Variants in CNTN5 observed in about 807,000 individuals in gnomAD.
CNTN5 encodes contactin-5.
In CNTN5, 77 loss-of-function variants were observed where a neutral mutation model predicts 129.1. The observed-to-expected ratio is 0.60, with a 90% CI of 0.50 to 0.72. CNTN5 has a LOEUF of 0.72. Ranked by LOEUF, CNTN5 falls within the 30% of genes least tolerant of loss-of-function variation. The pLI is 0.00. For missense variants in CNTN5, 1,478 were observed against 1,328.8 expected (o/e 1.11, Z -1.75); for synonymous variants, 509 against 465.6 (o/e 1.09, Z -1.20).
At chr11:100,308,899 A>G (rs1951412211) in intron 21 of CNTN5, 1 of 983,484 alleles carries the variant, frequency 1.0e-6, no homozygotes, top group East Asian at 1.1e-4. Context: ...AATGATCTGT[A>G]TTGTATCTAT....
chr11:99,279,040 G>C (rs1285282532), intron 1 of CNTN5, among the ~76,000 whole-genome samples: 2 of 151,652 alleles, frequency 1.3e-5, no homozygotes, highest in East Asian at 3.9e-4. Flanking sequence ...GAATCCAGGG[G>C]ATTAAACACC....
chr11:100,297,800 C>T, intron 19 of CNTN5, 105 bp downstream of exon 19: 3 of 842,540 alleles, frequency 3.6e-6, no homozygotes, highest in Non-Finnish European at 3.8e-6. Context: ...CATTTAGAGG[C>T]TAAAAACAGT....
intron 9 of CNTN5, among the ~76,000 whole-genome samples, chr11:100,032,116 A>C (rs1279144576): frequency 6.6e-6 from 1 of 152,194 alleles, no homozygotes; most frequent in Non-Finnish European, 1.5e-5. Context: ...ACAATGTTTC[A>C]GGAACCCAGG....
chr11:99,444,290 T>C (rs1419844978), intron 2 of CNTN5, among the ~76,000 whole-genome samples: 2 of 152,102 alleles, frequency 1.3e-5, no homozygotes, highest in Non-Finnish European at 2.9e-5. Flanking sequence ...AAAGTCATAT[T>C]AAGTCAGAGG....
chr11:99,884,704 C>T (rs1211460381), intron 6 of CNTN5, among the ~76,000 whole-genome samples: 1 of 152,168 alleles, frequency 6.6e-6, no homozygotes, highest in African/African-American at 2.4e-5. Context: ...AGGCTGGGCA[C>T]GGTGGCTCAC....
chr11:99,496,337 G>A (rs569551784), intron 2 of CNTN5, among the ~76,000 whole-genome samples: 129 of 152,246 alleles, frequency 8.5e-4, no homozygotes, highest in African/African-American at 3.0e-3. Context: ...GCAGTGGCCA[G>A]ATCTCGGCTC....
intron 4 of CNTN5, among the ~76,000 whole-genome samples, chr11:99,844,390 G>T (rs1317486410): frequency 6.6e-6 from 1 of 151,988 alleles, no homozygotes; most frequent in Admixed American, 6.6e-5. Context: ...AATTAATGAA[G>T]AATATAAAAA....
At chr11:99,852,881 C>G (rs1475834802) in intron 6 of CNTN5, among the ~76,000 whole-genome samples, 2 of 152,086 alleles carry the variant, frequency 1.3e-5, no homozygotes, top group Non-Finnish European at 2.9e-5. Context: ...TTTGTGGAGA[C>G]CTTTCCCAAG....
intron 1 of CNTN5, among the ~76,000 whole-genome samples, chr11:99,032,089 C>T (rs1327925355): frequency 6.6e-6 from 1 of 152,060 alleles, no homozygotes; most frequent in Non-Finnish European, 1.5e-5. Flanking sequence ...CTAAAAAGGA[C>T]ATGAACTCAT....
At chr11:99,906,402 G>A (rs1055992095) in intron 6 of CNTN5, among the ~76,000 whole-genome samples, 4 of 152,146 alleles carry the variant, frequency 2.6e-5, no homozygotes, top group African/African-American at 9.7e-5. Context: ...AGGTAATCAT[G>A]TGGTTTTTGT....
At chr11:99,725,085 C>T (rs1943293461) in intron 3 of CNTN5, among the ~76,000 whole-genome samples, 2 of 152,144 alleles carry the variant, frequency 1.3e-5, no homozygotes, top group African/African-American at 4.8e-5. Context: ...GAAAATACAT[C>T]TGAATTTTCT....
intron 7 of CNTN5, among the ~76,000 whole-genome samples, chr11:99,941,366 G>C (rs1243618020): frequency 1.3e-5 from 2 of 151,630 alleles, no homozygotes; most frequent in Non-Finnish European, 2.9e-5. Flanking sequence ...TTATTTTATG[G>C]CACATGGTAG....
At chr11:99,842,926 G>A (rs778463456) in intron 4 of CNTN5, among the ~76,000 whole-genome samples, 7 of 151,948 alleles carry the variant, frequency 4.6e-5, no homozygotes, top group East Asian at 1.9e-4. Context: ...TATTTTGCTC[G>A]TAGCTCAAAA....
At chr11:99,375,920 T>C (rs763761496) in intron 2 of CNTN5, among the ~76,000 whole-genome samples, 15 of 152,150 alleles carry the variant, frequency 9.9e-5, no homozygotes, top group Admixed American at 5.9e-4. Context: ...ATTATAACCA[T>C]ATTTAATCTA....
At chr11:100,278,696 G>GT (rs1950569197) in intron 18 of CNTN5, among the ~76,000 whole-genome samples, 1 of 151,892 alleles carries the variant, frequency 6.6e-6, no homozygotes, top group African/African-American at 2.4e-5. Context: ...AGTTCTAATT[G>GT]TTTTTTGATG....
chr11:99,133,008 C>T (rs1475570016), intron 1 of CNTN5, among the ~76,000 whole-genome samples: 2 of 152,136 alleles, frequency 1.3e-5, no homozygotes, highest in African/African-American at 4.8e-5. Context: ...TCAAACCGTA[C>T]TACAAGGCTG....
intron 3 of CNTN5, among the ~76,000 whole-genome samples, chr11:99,740,744 G>T (rs1282427860): frequency 6.6e-6 from 1 of 152,140 alleles, no homozygotes; most frequent in Non-Finnish European, 1.5e-5. Flanking sequence ...GGATATGCAT[G>T]AAACACTCTA....
intron 13 of CNTN5, among the ~76,000 whole-genome samples, chr11:100,079,592 C>G (rs924174018): frequency 2.0e-5 from 3 of 152,018 alleles, no homozygotes; most frequent in African/African-American, 7.2e-5. Flanking sequence ...TGCAAATAGA[C>G]AAATAGACAT....
chr11:99,781,480 T>C (rs974390711), intron 3 of CNTN5, among the ~76,000 whole-genome samples: 2 of 152,106 alleles, frequency 1.3e-5, no homozygotes, highest in African/African-American at 4.8e-5. Context: ...AGCATCTTCA[T>C]GAATGTCTTC....
Sources: gnomAD v4.1 joint callset for allele counts (sites outside exome capture counted in the v4.1 genomes callset) on GRCh38, gnomAD v4.1.1 for gene constraint, MANE v1.5 for transcripts, NCBI Gene and HGNC (gene_info 2026-07-23, HGNC 2026-07-21) for gene names.